The following DNMBP variants were observed in gnomAD, a reference collection of about 807,000 sequenced individuals.
DNMBP encodes the protein dynamin-binding protein.
DNMBP carries 87 observed loss-of-function variants against 150.0 expected under a neutral mutation model. The ratio of observed to expected loss-of-function variants is 0.58; its 90% CI spans 0.49 to 0.69. The LOEUF (loss-of-function observed/expected upper bound fraction) is 0.69, where lower values mean the gene tolerates loss of function less well. DNMBP is among the 30% of genes least tolerant of loss of function. The probability of loss-of-function intolerance (pLI) is 0.00; values close to 1 mark genes in which losing one functional copy is unlikely to be tolerated. For missense variants in DNMBP, 1,774 were observed against 1,949.0 expected, an observed-to-expected ratio of 0.91 and a Z score of 1.69; for synonymous variants, 711 against 750.4, an observed-to-expected ratio of 0.95 and a Z score of 0.86.
intron 1 of DNMBP, among the ~76,000 whole-genome samples, chr10:99,985,124 A>T (rs1386254179): frequency 6.6e-6 from 1 of 152,170 alleles, no homozygotes; most frequent in African/African-American, 2.4e-5. Flanking sequence ...GAAGATTCTG[A>T]GGAAGAAAAA....
chr10:99,933,844 C>T (rs546690938), intron 4 of DNMBP, among the ~76,000 whole-genome samples: 100 of 152,346 alleles, frequency 6.6e-4, no homozygotes, highest in Admixed American at 1.5e-3. Flanking sequence ...TCACACCATT[C>T]TCCTGCCTCA....
intron 8 of DNMBP, 57 bp from the exon 9 acceptor site, chr10:99,898,342 G>T: frequency 6.8e-7 from 1 of 1,466,972 alleles, no homozygotes; most frequent in Non-Finnish European, 9.6e-7. Flanking sequence ...CGCCCAGCCT[G>T]GGAACATCGT....
chr10:99,914,847 C>G (rs1435077531), intron 4 of DNMBP, among the ~76,000 whole-genome samples: 1 of 151,486 alleles, frequency 6.6e-6, no homozygotes, highest in Non-Finnish European at 1.5e-5. Flanking sequence ...ATCCCAGCAC[C>G]CTGGGAGGCC....
intron 1 of DNMBP, among the ~76,000 whole-genome samples, chr10:100,000,422 C>T (rs570404060): frequency 2.0e-5 from 3 of 152,286 alleles, no homozygotes; most frequent in African/African-American, 7.2e-5. Flanking sequence ...TTATTCTCTC[C>T]CAGTCCATGT....
rs201322179 is a variant in DNMBP at position 99,885,898 on chromosome 10, A to G, written c.3619-32T>C. On this transcript the variant is annotated intron_variant, in intron 13 of 16. Coordinates refer to ENST00000324109, the MANE Select transcript of DNMBP (RefSeq NM_015221.4). ...TCCATGGGAAGAGCAGAGATAGAGA[A>G]AAGAAGAAAACACGATAAAAGATCC... is the stretch of plus-strand genomic sequence containing the variant. The G allele has an allele frequency of 7.0e-5, 109 of 1,555,442 alleles. No homozygotes were observed. The African/African-American group carries it at 1.3e-3, about 18-fold the overall frequency.
intron 1 of DNMBP, among the ~76,000 whole-genome samples, chr10:99,973,060 G>C (rs939374319): frequency 5.9e-5 from 9 of 151,626 alleles, no homozygotes; most frequent in African/African-American, 2.2e-4. Flanking sequence ...GGGATTACAG[G>C]CGTGAGCCAC....
At chr10:99,943,469 G>A (rs2040325281) in intron 4 of DNMBP, among the ~76,000 whole-genome samples, 1 of 152,026 alleles carries the variant, frequency 6.6e-6, no homozygotes, top group African/African-American at 2.4e-5. Context: ...ATGATATGAT[G>A]ACAGCTCACT....
chr10:99,952,060 C>G (rs1463371235), intron 4 of DNMBP, among the ~76,000 whole-genome samples: 1 of 152,096 alleles, frequency 6.6e-6, no homozygotes, highest in Admixed American at 6.6e-5. Flanking sequence ...GTGAGTAAGT[C>G]TCATGAGATC....
chr10:99,982,436 C>T (rs181891608), intron 1 of DNMBP, among the ~76,000 whole-genome samples: 12 of 151,456 alleles, frequency 7.9e-5, no homozygotes, highest in Admixed American at 6.6e-4. Flanking sequence ...AGAGCGAGAC[C>T]CTGTCTCAAA....
At chr10:100,007,390 C>A (rs1042722702) in intron 1 of DNMBP, among the ~76,000 whole-genome samples, 2 of 151,964 alleles carry the variant, frequency 1.3e-5, no homozygotes, top group Non-Finnish European at 2.9e-5. Context: ...ACCACGACCC[C>A]GGCACACACA....
intron 3 of DNMBP, chr10:99,957,421 C>T (rs2040513041): frequency 1.7e-6 from 1 of 581,906 alleles, no homozygotes. Flanking sequence ...ACAGGTGGGT[C>T]TCCAAGATCC....
At chr10:99,970,499 A>G (rs2040662777) in intron 2 of DNMBP, among the ~76,000 whole-genome samples, 1 of 152,238 alleles carries the variant, frequency 6.6e-6, no homozygotes, top group South Asian at 2.1e-4. Flanking sequence ...CATGGATCCA[A>G]GAAGGAGTGA....
chr10:99,963,777 G>C (rs1223860241), intron 3 of DNMBP, among the ~76,000 whole-genome samples: 1 of 149,572 alleles, frequency 6.7e-6, no homozygotes, highest in Non-Finnish European at 1.5e-5. Context: ...TCTGACTGCA[G>C]TCCTGGGTTC....
chr10:99,968,404 T>G (rs1012222111), intron 3 of DNMBP, among the ~76,000 whole-genome samples: 1 of 152,046 alleles, frequency 6.6e-6, no homozygotes, highest in Non-Finnish European at 1.5e-5. Flanking sequence ...AGCCTGAAGT[T>G]GGTCAGGCGC....
At chr10:99,983,172 C>T (rs1420525093) in intron 1 of DNMBP, among the ~76,000 whole-genome samples, 1 of 152,130 alleles carries the variant, frequency 6.6e-6, no homozygotes, top group Non-Finnish European at 1.5e-5. Flanking sequence ...CATGAGCATC[C>T]TTATGTTTTG....
At chr10:99,907,796 T>G (rs1465089354) in intron 6 of DNMBP, among the ~76,000 whole-genome samples, 199 bp downstream of exon 6, 4 of 152,188 alleles carry the variant, frequency 2.6e-5, no homozygotes, top group Admixed American at 2.6e-4. Context: ...CATCCAAAAC[T>G]ACTTCTATTG....
chr10:99,893,659 G>A (rs2252829), intron 11 of DNMBP, among the ~76,000 whole-genome samples: 21,705 of 152,116 alleles, frequency 0.14, 2,410 homozygotes, highest in African/African-American at 0.3. Context: ...CCCAGGAGGC[G>A]GAGGTTGCAG....
At chr10:99,888,202 T>TTTTG (rs1279133623) in intron 12 of DNMBP, among the ~76,000 whole-genome samples, 1 of 118,516 alleles carries the variant, frequency 8.4e-6, no homozygotes, top group Non-Finnish European at 1.8e-5. Context: ...AAGGTTTTTT[T>TTTTG]TTTGTTTGTT....
chr10:99,900,500 A>AC (rs1564724560), intron 6 of DNMBP, among the ~76,000 whole-genome samples: 7 of 151,810 alleles, frequency 4.6e-5, no homozygotes, highest in African/African-American at 1.7e-4. Context: ...TTTTAGAACA[A>AC]ACACACACAC....
Sources: allele counts gnomAD v4.1 joint callset (sites outside exome capture counted in the v4.1 genomes callset), GRCh38; gene constraint gnomAD v4.1.1; transcripts MANE v1.5; gene names NCBI Gene and HGNC (gene_info 2026-07-23, HGNC 2026-07-21).